The following BIRC6 variants were observed in gnomAD, a reference collection of about 807,000 sequenced individuals.
The protein encoded by BIRC6 is dual E2 ubiquitin-conjugating enzyme/E3 ubiquitin-protein ligase BIRC6.
BIRC6 carries 98 observed loss-of-function variants against 503.3 expected under a neutral mutation model. That is an observed-to-expected ratio of 0.19 (90% confidence interval 0.17 to 0.23). BIRC6 has a LOEUF of 0.23. Among genes scored for constraint, BIRC6 ranks in the 10% least tolerant of loss-of-function variants. BIRC6 has a pLI of 1.00. For missense variants in BIRC6, 5,360 were observed against 5,806.0 expected, an observed-to-expected ratio of 0.92 and a Z score of 2.50; for synonymous variants, 2,240 against 2,078.7, an observed-to-expected ratio of 1.08 and a Z score of -2.11.
Position 32,509,737 on chromosome 2 carries a change from G to T in BIRC6, c.9981-1G>T. On this transcript the variant is annotated splice_acceptor_variant, in intron 51 of 73. Transcript: ENST00000421745. LOFTEE classifies it high-confidence loss of function. Reference sequence around the variant, plus strand: ...TCATACAAGTCATTTTGTATTTTCAGTATTGGATGGTTACGGTTATTACAT... The same window carrying T: ...TCATACAAGTCATTTTGTATTTTCATTATTGGATGGTTACGGTTATTACAT... 1 of 1,613,876 alleles carries T rather than the reference G, an allele frequency of 6.2e-7. No homozygotes were observed. The highest frequency in any genetic ancestry group is 8.5e-7 in the Non-Finnish European group (1 of 1,179,844).
intron 64 of BIRC6, among the ~76,000 whole-genome samples, chr2:32,548,232 A>G (rs933025374): frequency 6.6e-6 from 1 of 151,544 alleles, no homozygotes; most frequent in Non-Finnish European, 1.5e-5. Flanking sequence ...CACTGAGAGG[A>G]AAGTGGCAGG....
At chr2:32,533,589 C>T (rs1370244310) in intron 61 of BIRC6, among the ~76,000 whole-genome samples, 2 of 152,158 alleles carry the variant, frequency 1.3e-5, no homozygotes, top group Admixed American at 1.3e-4. Flanking sequence ...TTGCTAGTGC[C>T]TTAGAAACAT....
At chr2:32,584,097 G>T (rs2060871572) in intron 66 of BIRC6, among the ~76,000 whole-genome samples, 2 of 152,180 alleles carry the variant, frequency 1.3e-5, no homozygotes, top group Non-Finnish European at 2.9e-5. Context: ...AATAGGCTGG[G>T]TGCGGTGGCT....
chr2:32,595,872 A>G (rs2061641451), intron 68 of BIRC6, among the ~76,000 whole-genome samples: 1 of 152,202 alleles, frequency 6.6e-6, no homozygotes, highest in Admixed American at 6.5e-5. Flanking sequence ...ATATATATGA[A>G]AGTGATTTAT....
chr2:32,362,347 G>A (rs574146238), intron 1 of BIRC6, among the ~76,000 whole-genome samples: 2 of 142,764 alleles, frequency 1.4e-5, no homozygotes, highest in African/African-American at 2.6e-5. Context: ...ACAGAGTCTC[G>A]CTCTGTCGCC....
At chr2:32,522,243 C>T (rs2055806058) in intron 57 of BIRC6, 1 of 151,930 alleles carries the variant, frequency 6.6e-6, no homozygotes, top group African/African-American at 2.4e-5. Flanking sequence ...ATTGTATGTT[C>T]TCGCTTCTTT....
intron 45 of BIRC6, among the ~76,000 whole-genome samples, chr2:32,499,283 A>G (rs1232217853): frequency 2.0e-5 from 3 of 152,130 alleles, no homozygotes; most frequent in Non-Finnish European, 4.4e-5. Context: ...TCACTTCCGG[A>G]TATACTTGTC....
intron 66 of BIRC6, among the ~76,000 whole-genome samples, chr2:32,576,448 A>T (rs1291628946): frequency 6.6e-6 from 1 of 152,204 alleles, no homozygotes; most frequent in Admixed American, 6.5e-5. Context: ...AGTGGTTGTC[A>T]GTTTATTCCT....
chr2:32,535,424 G>C (rs1032368558), intron 61 of BIRC6, among the ~76,000 whole-genome samples: 1 of 152,036 alleles, frequency 6.6e-6, no homozygotes, highest in Non-Finnish European at 1.5e-5. Flanking sequence ...TTTAACATTA[G>C]GTATGTCTCC....
At chr2:32,575,470 C>G in intron 66 of BIRC6, 104 bp downstream of exon 66, 2 of 1,067,410 alleles carry the variant, frequency 1.9e-6, no homozygotes, top group Non-Finnish European at 2.8e-6. Context: ...TTTTTAAAAG[C>G]ATATACACCC....
intron 1 of BIRC6, among the ~76,000 whole-genome samples, chr2:32,368,864 C>A (rs1199288351): frequency 6.6e-6 from 1 of 152,130 alleles, no homozygotes; most frequent in Non-Finnish European, 1.5e-5. Flanking sequence ...GTTGGCCAGG[C>A]TGGTCTGGAA....
intron 1 of BIRC6, among the ~76,000 whole-genome samples, chr2:32,363,224 C>T (rs1454779375): frequency 1.3e-5 from 2 of 151,988 alleles, no homozygotes; most frequent in Admixed American, 6.6e-5. Flanking sequence ...CCCAGATACT[C>T]GGGAGGCTGA....
Position 32,515,704 on chromosome 2 carries a change from T to C in BIRC6, c.11283T>C (p.Asn3761=), listed in dbSNP as rs2054955477. Residue 3761 remains asparagine (N), a synonymous_variant, in exon 55 of 74, where the codon AAT becomes AAC. Coordinates refer to ENST00000421745, the MANE Select transcript of BIRC6 (RefSeq NM_016252.4). ...LTTQQRTAIE[N]ATVAFFLQCI... Reference sequence around the variant, plus strand: ...CTCAACAGCGCACAGCAATTGAGAATGCAACTGTTGCGTTCTTTCTACAGT... The same window carrying C: ...CTCAACAGCGCACAGCAATTGAGAACGCAACTGTTGCGTTCTTTCTACAGT... 1 of 1,603,088 alleles carries C rather than the reference T, an allele frequency of 6.2e-7. No homozygotes were observed. Among genetic ancestry groups the C allele is most frequent in the Non-Finnish European group, 8.5e-7 (1 of 1,179,828 alleles).
chr2:32,615,311 C>G (rs1289543993), intron 73 of BIRC6, among the ~76,000 whole-genome samples: 1 of 152,200 alleles, frequency 6.6e-6, no homozygotes. Flanking sequence ...ATTTTTCTTT[C>G]TCCTTCCCTG....
intron 65 of BIRC6, among the ~76,000 whole-genome samples, chr2:32,563,063 C>CGTATT (rs2059305823): frequency 6.6e-6 from 1 of 152,162 alleles, no homozygotes; most frequent in African/African-American, 2.4e-5. Flanking sequence ...GGCTATGCTA[C>CGTATT]GTATTTTGCC....
chr2:32,547,524 C>A (rs1413021395), intron 63 of BIRC6, among the ~76,000 whole-genome samples: 1 of 152,132 alleles, frequency 6.6e-6, no homozygotes, highest in East Asian at 1.9e-4. Flanking sequence ...ATTCGTGTAG[C>A]GTATATCAGT....
chr2:32,593,355 A>T (rs1314630937), intron 66 of BIRC6, among the ~76,000 whole-genome samples: 4 of 152,158 alleles, frequency 2.6e-5, no homozygotes. Context: ...TGTGAAATGA[A>T]ATTGGGTACA....
At chr2:32,530,211 A>G (rs1170893370) in intron 60 of BIRC6, among the ~76,000 whole-genome samples, 1 of 152,026 alleles carries the variant, frequency 6.6e-6, no homozygotes, top group East Asian at 1.9e-4. Flanking sequence ...TTACTTATAT[A>G]TTCCATTAAT....
intron 10 of BIRC6, among the ~76,000 whole-genome samples, chr2:32,426,382 C>T (rs1486813022): frequency 6.6e-6 from 1 of 152,134 alleles, no homozygotes; most frequent in Non-Finnish European, 1.5e-5. Flanking sequence ...GCGGGCAGAT[C>T]ACCTAAGGTC....
Sources: gnomAD v4.1 joint callset for allele counts (sites outside exome capture counted in the v4.1 genomes callset) on GRCh38, gnomAD v4.1.1 for gene constraint, MANE v1.5 for transcripts, NCBI Gene and HGNC (gene_info 2026-07-23, HGNC 2026-07-21) for gene names.